Variants in KIF16B observed in about 807,000 individuals in gnomAD.
The protein encoded by KIF16B is kinesin-like protein KIF16B.
KIF16B carries 98 observed loss-of-function variants against 156.3 expected under a neutral mutation model. That is an observed-to-expected ratio of 0.63 (90% CI 0.53 to 0.74). The LOEUF (loss-of-function observed/expected upper bound fraction) is 0.74. Among genes scored for constraint, KIF16B ranks in the 30% least tolerant of loss-of-function variants. KIF16B has a pLI of 0.00. For synonymous variants in KIF16B, 564 were observed against 583.7 expected (o/e 0.97, Z 0.49); for missense variants, 1,421 against 1,606.5 (o/e 0.88, Z 1.97).
intron 19 of KIF16B, among the ~76,000 whole-genome samples, chr20:16,376,093 T>C (rs2064944197): frequency 6.6e-6 from 1 of 152,216 alleles, no homozygotes; most frequent in Admixed American, 6.5e-5. Context: ...TAAATGACAA[T>C]GCACACACAG....
At chr20:16,475,572 G>A (rs1325361862) in intron 12 of KIF16B, among the ~76,000 whole-genome samples, 1 of 152,206 alleles carries the variant, frequency 6.6e-6, no homozygotes, top group African/African-American at 2.4e-5. Flanking sequence ...GGGAACCAAC[G>A]CAGAGGTTAC....
At chr20:16,486,483 A>C (rs1266866143) in intron 12 of KIF16B, among the ~76,000 whole-genome samples, 1 of 152,212 alleles carries the variant, frequency 6.6e-6, no homozygotes, top group African/African-American at 2.4e-5. Flanking sequence ...CAAAAGTTTG[A>C]AAATAGTTTT....
At chr20:16,487,204 A>G (rs1483455175) in intron 12 of KIF16B, among the ~76,000 whole-genome samples, 1 of 152,016 alleles carries the variant, frequency 6.6e-6, no homozygotes, top group Non-Finnish European at 1.5e-5. Flanking sequence ...GTGAGCCAAG[A>G]TCGCGCCACT....
intron 12 of KIF16B, among the ~76,000 whole-genome samples, chr20:16,470,228 T>C (rs984255393): frequency 6.6e-6 from 1 of 152,180 alleles, no homozygotes; most frequent in Non-Finnish European, 1.5e-5. Flanking sequence ...TTTAGGGCAG[T>C]GAAACTATTC....
At chr20:16,558,382 A>G (rs1477818555) in intron 1 of KIF16B, among the ~76,000 whole-genome samples, 1 of 152,190 alleles carries the variant, frequency 6.6e-6, no homozygotes, top group African/African-American at 2.4e-5. Flanking sequence ...AAGGGTGAGC[A>G]TTATTGATGT....
At chr20:16,423,202 C>T (rs903934741) in intron 15 of KIF16B, among the ~76,000 whole-genome samples, 3 of 151,852 alleles carry the variant, frequency 2.0e-5, no homozygotes, top group Non-Finnish European at 2.9e-5. Flanking sequence ...CCAATGAACC[C>T]AGGTGTATTA....
intron 22 of KIF16B, among the ~76,000 whole-genome samples, chr20:16,356,866 G>A (rs565567222): frequency 6.6e-6 from 1 of 152,294 alleles, no homozygotes; most frequent in Non-Finnish European, 1.5e-5. Context: ...TACTTATAAA[G>A]CTGCAAAAGC....
At chr20:16,434,853 G>A (rs907134713) in intron 12 of KIF16B, among the ~76,000 whole-genome samples, 3 of 152,038 alleles carry the variant, frequency 2.0e-5, no homozygotes, top group South Asian at 2.1e-4. Flanking sequence ...ATCATAAAGT[G>A]CACATAATTT....
chr20:16,294,769 C>G (rs2063359722), intron 25 of KIF16B, among the ~76,000 whole-genome samples: 1 of 152,176 alleles, frequency 6.6e-6, no homozygotes. Context: ...GTATGTCAGC[C>G]TGTGGGATGG....
chr20:16,459,132 A>T (rs2067283160), intron 12 of KIF16B, among the ~76,000 whole-genome samples: 1 of 152,178 alleles, frequency 6.6e-6, no homozygotes, highest in Non-Finnish European at 1.5e-5. Flanking sequence ...TTAATTTCAA[A>T]TTTAATTACA....
chr20:16,480,180 CA>C (rs1266775514), intron 12 of KIF16B, among the ~76,000 whole-genome samples: 2 of 152,058 alleles, frequency 1.3e-5, no homozygotes, highest in African/African-American at 4.8e-5. Context: ...GCTCCAAGGG[CA>C]TATTCAAAAA....
intron 1 of KIF16B, among the ~76,000 whole-genome samples, chr20:16,561,553 C>T (rs2071063932): frequency 6.6e-6 from 1 of 151,802 alleles, no homozygotes; most frequent in South Asian, 2.1e-4. Flanking sequence ...AATTCTTTTG[C>T]AAACTGAAGT....
chr20:16,493,930 T>A (rs574403634), intron 12 of KIF16B, among the ~76,000 whole-genome samples: 1 of 152,216 alleles, frequency 6.6e-6, no homozygotes, highest in Non-Finnish European at 1.5e-5. Context: ...TCATTTAATA[T>A]GTTGCTTTGA....
chr20:16,351,429 C>T (rs114439641), intron 23 of KIF16B, among the ~76,000 whole-genome samples: 2,540 of 152,256 alleles, frequency 0.017, 81 homozygotes, highest in African/African-American at 0.058. Context: ...CATAATGCAG[C>T]GTAACTGATG....
intron 17 of KIF16B, among the ~76,000 whole-genome samples, chr20:16,402,484 A>G (rs1411888498): frequency 6.6e-6 from 1 of 152,210 alleles, no homozygotes; most frequent in Non-Finnish European, 1.5e-5. Context: ...TAAGGAGGAA[A>G]GAAATGGAGC....
chr20:16,347,027 A>C (rs2123067310), intron 23 of KIF16B, among the ~76,000 whole-genome samples: 1 of 152,272 alleles, frequency 6.6e-6, no homozygotes, highest in African/African-American at 2.4e-5. Flanking sequence ...TAGTCGTGTG[A>C]TTTTGGATAA....
At chr20:16,531,758 A>ATTAAAGACAT (rs1442995904) in intron 1 of KIF16B, among the ~76,000 whole-genome samples, 1 of 152,232 alleles carries the variant, frequency 6.6e-6, no homozygotes, top group African/African-American at 2.4e-5. Context: ...TAGAAAAGAC[A>ATTAAAGACAT]TTAAAGACAT....
chr20:16,421,752 C>T (rs16997600), intron 15 of KIF16B, among the ~76,000 whole-genome samples: 3,184 of 152,210 alleles, frequency 0.021, 108 homozygotes, highest in African/African-American at 0.073. Flanking sequence ...ACATTCACTG[C>T]ACAGCGTTTT....
intron 12 of KIF16B, among the ~76,000 whole-genome samples, chr20:16,443,736 C>T (rs917379926): frequency 6.6e-6 from 1 of 152,158 alleles, no homozygotes. Flanking sequence ...GAGAGGACTG[C>T]TCCAAAGCCC....
Sources: allele counts gnomAD v4.1 joint callset (sites outside exome capture counted in the v4.1 genomes callset), GRCh38; gene constraint gnomAD v4.1.1; transcripts MANE v1.5; gene names NCBI Gene and HGNC (gene_info 2026-07-23, HGNC 2026-07-21).